The following ANGPT1 variants were observed in gnomAD, a reference collection of about 807,000 sequenced individuals.
ANGPT1 encodes angiopoietin 1.
A neutral mutation model predicts 62.2 loss-of-function variants in ANGPT1; 17 were observed. The ratio of observed to expected loss-of-function variants is 0.27; its 90% CI spans 0.19 to 0.41. The LOEUF is 0.41. Among genes scored for constraint, ANGPT1 ranks in the 10% least tolerant of loss-of-function variants. The pLI is 1.00. For missense variants in ANGPT1, 478 were observed against 594.9 expected (o/e 0.80, Z 2.04); for synonymous variants, 199 against 198.9 (o/e 1.00, Z 0.00).
At chr8:107,375,368 C>T (rs771720920) in intron 1 of ANGPT1, among the ~76,000 whole-genome samples, 4 of 151,990 alleles carry the variant, frequency 2.6e-5, no homozygotes, top group Non-Finnish European at 5.9e-5. Context: ...CCTTGAGGTA[C>T]CCTGTGGAAA....
At chr8:107,362,757 T>G (rs1306622891) in intron 1 of ANGPT1, among the ~76,000 whole-genome samples, 2 of 152,152 alleles carry the variant, frequency 1.3e-5, no homozygotes, top group African/African-American at 4.8e-5. Context: ...AAAGAAATTA[T>G]ACATTTGCTT....
chr8:107,335,807 T>C (rs1380003396), intron 3 of ANGPT1, among the ~76,000 whole-genome samples: 1 of 152,160 alleles, frequency 6.6e-6, no homozygotes, highest in African/African-American at 2.4e-5. Context: ...TTGTTATAGG[T>C]TTTCATTCTG....
At chr8:107,365,841 A>G (rs1284367514) in intron 1 of ANGPT1, among the ~76,000 whole-genome samples, 2 of 134,718 alleles carry the variant, frequency 1.5e-5, no homozygotes, top group Admixed American at 1.7e-4. Flanking sequence ...TTTAATTAGG[A>G]CAAGAAACAA....
rs577658854 is a variant in ANGPT1, at chr8:107,332,099, C to T, written c.575+4051G>A. Among the ~76,000 whole-genome samples, 5 of 152,276 alleles carry T rather than the reference C, an allele frequency of 3.3e-5. No individual in the cohort carries two copies. In the East Asian group the frequency reaches 9.7e-4, roughly 29 times the overall value. On this transcript the variant is annotated intron_variant, in intron 3 of 8. Transcript: ENST00000517746. ...TCAACTGAAGGAAACTGCATTAGGA[C>T]ATCATTTCCTGTACACCTCTATTCC...
intron 2 of ANGPT1, among the ~76,000 whole-genome samples, chr8:107,343,006 T>G (rs1815728591): frequency 6.6e-6 from 1 of 151,340 alleles, no homozygotes; most frequent in South Asian, 2.1e-4. Context: ...TGGCTTTTTT[T>G]TTTTTTTTTG....
In ANGPT1 at chr8:107,253,373, A is replaced by G. The variant is rs528817515; in HGVS notation, c.1337-1358T>C. 1.7e-4 allele frequency among the ~76,000 whole-genome samples: 26 copies of G among 152,330 alleles called. 1 individual carries two copies. The South Asian group carries it at 3.5e-3, about 21-fold the overall frequency. On this transcript the variant is annotated intron_variant, in intron 8 of 8. Coordinates refer to ENST00000517746, the MANE Select transcript of ANGPT1 (RefSeq NM_001146.5). ...TTTTTGATCAGTACAGCTGTTAAAT[A>G]TGCTGTTTATATTATAAAAAGCATT...
chr8:107,479,449 C>T (rs1812618864), intron 1 of ANGPT1, among the ~76,000 whole-genome samples: 1 of 152,058 alleles, frequency 6.6e-6, no homozygotes, highest in Non-Finnish European at 1.5e-5. Flanking sequence ...GTTCCTATAC[C>T]TGTTTCATTC....
intron 1 of ANGPT1, among the ~76,000 whole-genome samples, chr8:107,401,322 T>C (rs529927323): frequency 2.4e-4 from 36 of 152,294 alleles, no homozygotes; most frequent in African/African-American, 8.7e-4. Flanking sequence ...TCATTAATTA[T>C]ATTTTTTTAA....
intron 1 of ANGPT1, among the ~76,000 whole-genome samples, chr8:107,392,038 T>C (rs531092524): frequency 1.3e-5 from 2 of 152,314 alleles, no homozygotes; most frequent in South Asian, 4.1e-4. Context: ...CATTCAAAGT[T>C]GTATTTTTAA....
chr8:107,364,254 T>G (rs894365894), intron 1 of ANGPT1, among the ~76,000 whole-genome samples: 3 of 152,176 alleles, frequency 2.0e-5, no homozygotes, highest in African/African-American at 7.2e-5. Context: ...CCCTGAGGTT[T>G]ATGAAATAAT....
At chr8:107,391,961 C>A (rs1439948073) in intron 1 of ANGPT1, among the ~76,000 whole-genome samples, 1 of 152,080 alleles carries the variant, frequency 6.6e-6, no homozygotes, top group African/African-American at 2.4e-5. Context: ...ATGTGACCAC[C>A]AGGGTATATA....
At chr8:107,313,283 A>T (rs1196303701) in intron 4 of ANGPT1, among the ~76,000 whole-genome samples, 4 of 152,124 alleles carry the variant, frequency 2.6e-5, no homozygotes, top group African/African-American at 9.7e-5. Context: ...ATGACTCCTT[A>T]GCAGACATAA....
At chr8:107,412,240 C>A (rs962999652) in intron 1 of ANGPT1, among the ~76,000 whole-genome samples, 1 of 152,094 alleles carries the variant, frequency 6.6e-6, no homozygotes, top group Non-Finnish European at 1.5e-5. Context: ...ACCTAAATTG[C>A]ATGTCCATAC....
chr8:107,274,616 G>A (rs1400820814), intron 7 of ANGPT1, among the ~76,000 whole-genome samples: 2 of 152,068 alleles, frequency 1.3e-5, no homozygotes, highest in East Asian at 3.9e-4. Context: ...GGGAACTTAA[G>A]GACATGATAC....
At chr8:107,394,421 A>G (rs1816894994) in intron 1 of ANGPT1, among the ~76,000 whole-genome samples, 1 of 152,180 alleles carries the variant, frequency 6.6e-6, no homozygotes. Context: ...TTCCAGACAG[A>G]AGGCCAGGAG....
At chr8:107,437,186 ACTG>A (rs1236382099) in intron 1 of ANGPT1, among the ~76,000 whole-genome samples, 2 of 152,202 alleles carry the variant, frequency 1.3e-5, no homozygotes, top group African/African-American at 4.8e-5. Flanking sequence ...TGTCATTTTA[ACTG>A]GCCTGTTAAG....
chr8:107,438,376 G>T (rs1488603325), intron 1 of ANGPT1, among the ~76,000 whole-genome samples: 1 of 151,636 alleles, frequency 6.6e-6, no homozygotes, highest in East Asian at 1.9e-4. Context: ...TATAATTCCA[G>T]TGATATTTCC....
At chr8:107,323,983 G>T (rs1815219019) in intron 3 of ANGPT1, among the ~76,000 whole-genome samples, 1 of 151,672 alleles carries the variant, frequency 6.6e-6, no homozygotes, top group South Asian at 2.1e-4. Flanking sequence ...GTTTTGCCGT[G>T]TTGGCCAGGA....
chr8:107,416,375 C>G (rs138950816), intron 1 of ANGPT1, among the ~76,000 whole-genome samples: 18 of 152,232 alleles, frequency 1.2e-4, no homozygotes, highest in South Asian at 4.1e-4. Context: ...TTTTAAAGAA[C>G]ACAAATAAGC....
Sources: gnomAD v4.1 joint callset for allele counts (sites outside exome capture counted in the v4.1 genomes callset) on GRCh38, gnomAD v4.1.1 for gene constraint, MANE v1.5 for transcripts, NCBI Gene and HGNC (gene_info 2026-07-23, HGNC 2026-07-21) for gene names.